The following TBCK variants were observed in gnomAD, a reference collection of about 807,000 sequenced individuals.
TBCK encodes TBC domain-containing protein kinase-like protein.
TBCK carries 99 observed loss-of-function variants against 113.4 expected under a neutral mutation model. The observed-to-expected ratio is 0.87, with a 90% confidence interval of 0.74 to 1.03. The LOEUF is 1.03. Ranked by LOEUF, TBCK falls within the 50% of genes least tolerant of loss-of-function variation. TBCK has a pLI of 0.00. For synonymous variants in TBCK, 369 were observed against 370.8 expected (o/e 1.00, Z 0.05); for missense variants, 1,045 against 1,061.3 (o/e 0.98, Z 0.21).
intron 19 of TBCK, among the ~76,000 whole-genome samples, chr4:106,220,883 C>G (rs568173842): frequency 6.6e-6 from 1 of 152,232 alleles, no homozygotes; most frequent in African/African-American, 2.4e-5. Context: ...TACTCAGAAG[C>G]CAGAGATATG....
At chr4:106,119,484 C>G (rs925661897) in intron 23 of TBCK, among the ~76,000 whole-genome samples, 1 of 152,036 alleles carries the variant, frequency 6.6e-6, no homozygotes, top group African/African-American at 2.4e-5. Context: ...AACTAGACCC[C>G]TATCTCTTAC....
chr4:106,307,400 C>G (rs1458348809), intron 2 of TBCK, among the ~76,000 whole-genome samples: 1 of 151,864 alleles, frequency 6.6e-6, no homozygotes, highest in Non-Finnish European at 1.5e-5. Flanking sequence ...TATAAACGCT[C>G]AATAAATTTT....
At chr4:106,284,453 T>C (rs1764921469) in intron 3 of TBCK, among the ~76,000 whole-genome samples, 1 of 152,124 alleles carries the variant, frequency 6.6e-6, no homozygotes, top group African/African-American at 2.4e-5. Flanking sequence ...AGTAAACAGC[T>C]GCAGACATAG....
At chr4:106,156,628 G>A (rs1466378975) in intron 23 of TBCK, among the ~76,000 whole-genome samples, 1 of 152,166 alleles carries the variant, frequency 6.6e-6, no homozygotes, top group Admixed American at 6.6e-5. Flanking sequence ...ATAGGCAGAA[G>A]GGCCTCACCC....
At chr4:106,247,385 C>T (rs774717291) in intron 9 of TBCK, 98 bp from the exon 10 acceptor site, 360 of 1,095,846 alleles carry the variant, frequency 3.3e-4, no homozygotes, top group Middle Eastern at 4.2e-4. Flanking sequence ...GTCTTAAATA[C>T]CTCATTAGCA....
At chr4:106,164,590 A>C (rs974604319) in intron 23 of TBCK, 2 of 152,002 alleles carry the variant, frequency 1.3e-5, no homozygotes, top group African/African-American at 4.8e-5. Flanking sequence ...TAAAATGGCA[A>C]TTTATAAGTT....
At chr4:106,264,881 G>T (rs1236721598) in intron 3 of TBCK, among the ~76,000 whole-genome samples, 1 of 151,782 alleles carries the variant, frequency 6.6e-6, no homozygotes, top group Non-Finnish European at 1.5e-5. Flanking sequence ...TCTTATTCTT[G>T]CCTTTAAACT....
chr4:106,064,936 C>T (rs1394611865), intron 25 of TBCK, among the ~76,000 whole-genome samples: 1 of 151,918 alleles, frequency 6.6e-6, no homozygotes, highest in Non-Finnish European at 1.5e-5. Context: ...ATTATTCTTA[C>T]TAAACATCAC....
chr4:106,294,421 T>C (rs1258492363), intron 3 of TBCK, among the ~76,000 whole-genome samples: 1 of 151,546 alleles, frequency 6.6e-6, no homozygotes, highest in Non-Finnish European at 1.5e-5. Context: ...AGGCCAGGAG[T>C]TTGAGACCAG....
intron 25 of TBCK, among the ~76,000 whole-genome samples, chr4:106,054,017 C>T (rs1735111680): frequency 6.6e-6 from 1 of 151,668 alleles, no homozygotes; most frequent in South Asian, 2.1e-4. Flanking sequence ...TCTCCCCTGC[C>T]TCCACTCTTT....
intron 23 of TBCK, among the ~76,000 whole-genome samples, chr4:106,136,975 T>C (rs1746632778): frequency 7.1e-6 from 1 of 141,504 alleles, no homozygotes; most frequent in South Asian, 2.4e-4. Context: ...GAGTGAATAA[T>C]GGCTCTTAAG....
chr4:106,307,358 AAAATATGT>A, intron 2 of TBCK, among the ~76,000 whole-genome samples: 2 of 152,294 alleles, frequency 1.3e-5, no homozygotes, highest in South Asian at 4.1e-4. Context: ...ATATGTAATT[AAAATATGT>A]AAAACACTAA....
At chr4:106,154,463 T>A (rs2149689705) in intron 23 of TBCK, among the ~76,000 whole-genome samples, 1 of 152,292 alleles carries the variant, frequency 6.6e-6, no homozygotes, top group Middle Eastern at 3.4e-3. Context: ...TGGACATGTC[T>A]CTCCACCCAA....
At chr4:106,061,878 T>C (rs931455003) in intron 25 of TBCK, among the ~76,000 whole-genome samples, 8 of 151,814 alleles carry the variant, frequency 5.3e-5, no homozygotes, top group Admixed American at 4.0e-4. Flanking sequence ...ATGGTGTTCA[T>C]GGTGAACTCT....
intron 23 of TBCK, among the ~76,000 whole-genome samples, chr4:106,124,237 A>G (rs1230144400): frequency 1.3e-5 from 2 of 152,252 alleles, no homozygotes; most frequent in Non-Finnish European, 2.9e-5. Flanking sequence ...GCAGCCAAAA[A>G]ACACATGAAA....
In TBCK at chr4:106,271,326, C is replaced by CA. The variant is rs982990304; in HGVS notation, c.267-9115dup. 5.2e-4 allele frequency among the ~76,000 whole-genome samples: 79 copies of CA among 152,100 alleles called. 1 individual carries two copies. The highest frequency in any genetic ancestry group is 3.3e-4 in the Admixed American group (5 of 15,272). ...AGAATAGTTATCTTTTACCAATTCA[C>CA]AAAAAATATAATATTAATAAATATG... On this transcript the variant is annotated intron_variant, in intron 3 of 25. Transcript: ENST00000394708.
intron 25 of TBCK, among the ~76,000 whole-genome samples, chr4:106,068,334 G>C (rs1350784268): frequency 6.6e-6 from 1 of 151,816 alleles, no homozygotes; most frequent in Non-Finnish European, 1.5e-5. Flanking sequence ...CCAGTGTGTG[G>C]TGCTCCCTGC....
chr4:106,195,603 A>G (rs1045552723), intron 20 of TBCK, among the ~76,000 whole-genome samples: 1 of 151,774 alleles, frequency 6.6e-6, no homozygotes, highest in Non-Finnish European at 1.5e-5. Context: ...CATGTAATCA[A>G]CTGAGAGCCT....
At chr4:106,295,051 C>A in intron 3 of TBCK, 43 bp downstream of exon 3, 1 of 1,508,228 alleles carries the variant, frequency 6.6e-7, no homozygotes, top group Non-Finnish European at 9.0e-7. Flanking sequence ...TTTTGTTTGC[C>A]AAGTTCTGCT....
Sources: gnomAD v4.1 joint callset for allele counts (sites outside exome capture counted in the v4.1 genomes callset) on GRCh38, gnomAD v4.1.1 for gene constraint, MANE v1.5 for transcripts, NCBI Gene and HGNC (gene_info 2026-07-23, HGNC 2026-07-21) for gene names.